The following LDLRAD3 variants were observed in gnomAD, a reference collection of about 807,000 sequenced individuals.
The protein encoded by LDLRAD3 is low-density lipoprotein receptor class A domain-containing protein 3.
LDLRAD3 carries 20 observed loss-of-function variants against 29.4 expected under a neutral mutation model. The ratio of observed to expected loss-of-function variants is 0.68; its 90% CI spans 0.48 to 0.99. The LOEUF is 0.99. LDLRAD3 is among the 50% of genes least tolerant of loss of function. The pLI, the probability that LDLRAD3 is intolerant of heterozygous loss-of-function variation, is 0.00. For synonymous variants in LDLRAD3, 157 were observed against 192.7 expected (o/e 0.81, Z 1.53); for missense variants, 420 against 454.3 (o/e 0.92, Z 0.69).
chr11:36,137,774 C>G (rs1854023750), intron 4 of LDLRAD3, among the ~76,000 whole-genome samples: 1 of 152,100 alleles, frequency 6.6e-6, no homozygotes, highest in African/African-American at 2.4e-5. Flanking sequence ...AATCCTAAAC[C>G]ACTTCTTGAA....
At chr11:36,106,363 T>C (rs959196593) in intron 4 of LDLRAD3, among the ~76,000 whole-genome samples, 7 of 152,198 alleles carry the variant, frequency 4.6e-5, no homozygotes, top group African/African-American at 1.7e-4. Flanking sequence ...CTAAGGACCT[T>C]GGACAGTTGC....
At chr11:35,968,921 A>G (rs554895364) in intron 1 of LDLRAD3, among the ~76,000 whole-genome samples, 13 of 152,302 alleles carry the variant, frequency 8.5e-5, no homozygotes, top group African/African-American at 2.9e-4. Flanking sequence ...TGGCCTCATC[A>G]TTTGGTAACT....
intron 4 of LDLRAD3, among the ~76,000 whole-genome samples, chr11:36,145,250 A>G (rs75283996): frequency 0.99 from 64,579 of 65,374 alleles, 31,935 homozygotes; most frequent in Middle Eastern, 1. Context: ...CCGGGAGGGA[A>G]GTGGGGGGGG....
At chr11:36,128,496 T>C (rs1441265243) in intron 4 of LDLRAD3, among the ~76,000 whole-genome samples, 1 of 152,106 alleles carries the variant, frequency 6.6e-6, no homozygotes, top group Non-Finnish European at 1.5e-5. Flanking sequence ...AAATTGGACT[T>C]TATCTCGAGA....
chr11:35,948,341 T>C (rs1235306797), intron 1 of LDLRAD3, among the ~76,000 whole-genome samples: 3 of 152,180 alleles, frequency 2.0e-5, no homozygotes, highest in Non-Finnish European at 2.9e-5. Flanking sequence ...CTTCAAAATA[T>C]TTAGGAAATG....
At chr11:35,990,184 TGTTA>T (rs1270179251) in intron 1 of LDLRAD3, among the ~76,000 whole-genome samples, 1 of 152,186 alleles carries the variant, frequency 6.6e-6, no homozygotes, top group African/African-American at 2.4e-5. Context: ...TTTATAGTAA[TGTTA>T]GTTCCCTAAG....
chr11:36,177,398 G>A (rs1406387922), intron 4 of LDLRAD3, among the ~76,000 whole-genome samples: 1 of 152,136 alleles, frequency 6.6e-6, no homozygotes, highest in African/African-American at 2.4e-5. Flanking sequence ...ACCTTGCTTT[G>A]TCATATTACC....
intron 4 of LDLRAD3, among the ~76,000 whole-genome samples, chr11:36,103,273 G>C (rs1212912978): frequency 4.0e-5 from 5 of 124,846 alleles, no homozygotes. Flanking sequence ...GTCTCGCTCT[G>C]TCACCCAGGC....
intron 2 of LDLRAD3, among the ~76,000 whole-genome samples, chr11:36,039,543 A>C (rs1177444880): frequency 6.6e-6 from 1 of 151,574 alleles, no homozygotes; most frequent in Admixed American, 6.5e-5. Flanking sequence ...AGCACGCAGC[A>C]CAGTGCCTGT....
chr11:36,229,160 G>C lies in LDLRAD3; in HGVS notation c.801G>C (p.Arg267Ser), dbSNP rs778689642. ...TGCCCCCCTGCTGTCCCCATCACAG[G>C]CCTGCGTGGTATGACCTTCCTCCAC... ...PSYSEALLDQ[R>S]PAWYDLPPPP... Residue 267 changes from arginine to serine, a missense_variant and splice_region_variant, in exon 6 of 6, where the codon AGG (arginine) becomes AGC (serine). Transcript: ENST00000315571. 3.7e-6 allele frequency: 6 copies of C among 1,612,480 alleles called. No homozygotes were observed. The South Asian group carries it at 5.5e-5, about 15-fold the overall frequency.
intron 1 of LDLRAD3, among the ~76,000 whole-genome samples, chr11:35,976,703 G>A (rs1851480620): frequency 6.6e-6 from 1 of 152,026 alleles, no homozygotes. Context: ...TCTTCTCTAG[G>A]AGCTTAGTCT....
intron 4 of LDLRAD3, among the ~76,000 whole-genome samples, chr11:36,124,518 C>G (rs1288000046): frequency 6.6e-6 from 1 of 152,130 alleles, no homozygotes. Flanking sequence ...AACCACGGCT[C>G]TCCCAACTGG....
At chr11:35,957,618 G>T (rs929766245) in intron 1 of LDLRAD3, among the ~76,000 whole-genome samples, 1 of 151,956 alleles carries the variant, frequency 6.6e-6, no homozygotes, top group Non-Finnish European at 1.5e-5. Flanking sequence ...TGGGCAACAT[G>T]GCGAAACCTC....
rs1855312459 is a variant in LDLRAD3, at chr11:36,213,596, T to G, written c.455-13489T>G. Among the ~76,000 whole-genome samples, 1 of 152,172 alleles carries G rather than the reference T, an allele frequency of 6.6e-6. No homozygotes were observed. Among genetic ancestry groups the G allele is most frequent in the Admixed American group, 6.5e-5 (1 of 15,292 alleles). On this transcript the variant is annotated intron_variant, in intron 4 of 5. Transcript: ENST00000315571. This position sits in a 1 kb window ranked among gnomAD's most constrained non-coding sequence, Gnocchi z 4.1. ...GCTTGAGAAAGTGTGGCTGCCACTG[T>G]GGCAGAGGCCATGGTAGGAGGCATG... is the stretch of plus-strand genomic sequence containing the variant.
chr11:35,989,613 A>G lies in LDLRAD3; in HGVS notation c.46+45469A>G, dbSNP rs1408982438. Among the ~76,000 whole-genome samples the G allele has an allele frequency of 3.3e-5, 5 of 152,286 alleles. No individual in the cohort carries two copies. In the East Asian group the frequency reaches 5.8e-4, roughly 18 times the overall value. On this transcript the variant is annotated intron_variant, in intron 1 of 5. Transcript: ENST00000315571. ...TGCTTAGTTATATGTATTCCTAACC[A>G]AGGAATATATCTTGGTTAGGTATGT...
At chr11:36,035,478 C>T (rs1852291489) in intron 1 of LDLRAD3, among the ~76,000 whole-genome samples, 1 of 152,138 alleles carries the variant, frequency 6.6e-6, no homozygotes, top group African/African-American at 2.4e-5. Context: ...TCTCAGCTTC[C>T]AGTAACTCTT....
At chr11:36,150,897 A>C (rs1431036751) in intron 4 of LDLRAD3, among the ~76,000 whole-genome samples, 1 of 152,136 alleles carries the variant, frequency 6.6e-6, no homozygotes, top group Admixed American at 6.5e-5. Context: ...CCTGACCTCC[A>C]GTCCTTGTCA....
chr11:36,125,509 T>C (rs1036894855), intron 4 of LDLRAD3, among the ~76,000 whole-genome samples: 9 of 152,170 alleles, frequency 5.9e-5, no homozygotes, highest in African/African-American at 1.9e-4. Context: ...CATTAGCACA[T>C]AGTAGATAGT....
At chr11:36,137,822 G>A (rs1353992292) in intron 4 of LDLRAD3, among the ~76,000 whole-genome samples, 1 of 152,230 alleles carries the variant, frequency 6.6e-6, no homozygotes, top group East Asian at 1.9e-4. Context: ...CTGCAGAGAT[G>A]AAGGCAGAGT....
Sources: allele counts gnomAD v4.1 joint callset (sites outside exome capture counted in the v4.1 genomes callset), GRCh38; gene constraint gnomAD v4.1.1; non-coding constraint Gnocchi (gnomAD v3.1); transcripts MANE v1.5; gene names NCBI Gene and HGNC (gene_info 2026-07-23, HGNC 2026-07-21).